The following MROH2A variants were observed in gnomAD, a reference collection of about 807,000 sequenced individuals.
The protein encoded by MROH2A is maestro heat-like repeat-containing protein family member 2A.
Under a neutral mutation model 200.4 loss-of-function variants are expected in MROH2A, and 174 were observed. The ratio of observed to expected loss-of-function variants is 0.87; its 90% confidence interval spans 0.77 to 0.98. The LOEUF (loss-of-function observed/expected upper bound fraction) is 0.98. MROH2A is among the 50% of genes least tolerant of loss of function. The pLI, the probability that MROH2A is intolerant of heterozygous loss-of-function variation, is 0.00. For synonymous variants in MROH2A, 829 were observed against 840.4 expected (o/e 0.99, Z 0.23); for missense variants, 2,045 against 2,139.6 (o/e 0.96, Z 0.87).
intron 29 of MROH2A, among the ~76,000 whole-genome samples, chr2:233,819,085 T>C (rs1703754720): frequency 6.6e-6 from 1 of 152,252 alleles, no homozygotes; most frequent in African/African-American, 2.4e-5. Context: ...TGTGGGCACG[T>C]GGGCAGGCTC....
At chr2:233,826,593 A>C (rs1222991017) in intron 35 of MROH2A, among the ~76,000 whole-genome samples, 2 of 152,244 alleles carry the variant, frequency 1.3e-5, no homozygotes, top group African/African-American at 2.4e-5. Flanking sequence ...AAAGACTTAA[A>C]TGTAAAACCC....
chr2:233,822,854 G>A lies in MROH2A; in HGVS notation c.3867-27G>A, dbSNP rs770486046. 2.4e-5 allele frequency: 37 copies of A among 1,549,058 alleles called. No homozygotes were observed. In the Middle Eastern group the frequency reaches 6.7e-4, roughly 28 times the overall value. ...GGCCATGCGCTCCCAGCAGGGCAGC[G>A]CATCACAAGCTCCCACCTCCCTTCA... On this transcript the variant is annotated intron_variant, in intron 33 of 41. Coordinates refer to ENST00000389758, the MANE Select transcript of MROH2A (RefSeq NM_001394639.1).
At chr2:233,790,779 C>T (rs1017263748) in intron 5 of MROH2A, among the ~76,000 whole-genome samples, 20 of 151,704 alleles carry the variant, frequency 1.3e-4, no homozygotes, top group Non-Finnish European at 7.4e-5. Flanking sequence ...GTGGCAGGTA[C>T]CTGGCCACTA....
intron 31 of MROH2A, among the ~76,000 whole-genome samples, chr2:233,821,920 C>A (rs1045304741): frequency 1.3e-5 from 2 of 152,078 alleles, no homozygotes; most frequent in Non-Finnish European, 2.9e-5. Context: ...GTACCGTGAG[C>A]CCGTGCAGAG....
chr2:233,792,803 G>A lies in MROH2A; in HGVS notation c.579G>A (p.Glu193=), dbSNP rs1486542669. ...TCCCTCACAACCTCACAGTGTTTGA[G>A]TTCATGCCATACATGGGCATCACCC... ...LAKLANGNVF[E]FMPYMGITLA... is the part of the protein sequence containing the mutation. Residue 193 remains glutamate (E), a synonymous_variant, in exon 6 of 42, where the codon GAG becomes GAA. Transcript: ENST00000389758. 1 of 1,542,188 alleles carries A rather than the reference G, an allele frequency of 6.5e-7. No homozygotes were observed. Among genetic ancestry groups the A allele is most frequent in the African/African-American group, 1.4e-5 (1 of 72,736 alleles).
intron 18 of MROH2A, among the ~76,000 whole-genome samples, chr2:233,804,799 C>T (rs146120117): frequency 3.2e-4 from 48 of 152,250 alleles, no homozygotes; most frequent in African/African-American, 1.1e-3. Context: ...TTCTGCTAGC[C>T]GCCAGAGCCA....
chr2:233,829,823 C>A, intron 38 of MROH2A, 48 bp downstream of exon 38: 1 of 1,288,092 alleles, frequency 7.8e-7, no homozygotes, highest in East Asian at 3.1e-5. Context: ...CCCGCTGTTC[C>A]CCGAGGAAAC....
rs762751425 is a variant in MROH2A at position 233,806,025 on chromosome 2, A to C, written c.2052+914A>C. ...TAGGCAAAGCCTTCTTAGAGATGAC[A>C]CCAAAAAGCACAAGTGACAAAAAGA... is the stretch of plus-strand genomic sequence containing the variant. On this transcript the variant is annotated intron_variant, in intron 19 of 41. Coordinates refer to ENST00000389758, the MANE Select transcript of MROH2A (RefSeq NM_001394639.1). Among the ~76,000 whole-genome samples the C allele has an allele frequency of 9.5e-4, 144 of 152,302 alleles. 1 individual carries two copies. Among genetic ancestry groups the C allele is most frequent in the Middle Eastern group, 6.8e-3 (2 of 294 alleles).
intron 40 of MROH2A, 104 bp from the exon 41 acceptor site, chr2:233,832,475 A>G: frequency 9.3e-7 from 1 of 1,076,450 alleles, no homozygotes; most frequent in Non-Finnish European, 1.4e-6. Context: ...GCTCAACAAA[A>G]TCTTTCATCA....
intron 3 of MROH2A, among the ~76,000 whole-genome samples, chr2:233,785,005 G>A (rs558004968): frequency 6.6e-6 from 1 of 152,072 alleles, no homozygotes; most frequent in African/African-American, 2.4e-5. Flanking sequence ...AATTAGCCAG[G>A]CGTGGTGGTG....
intron 5 of MROH2A, among the ~76,000 whole-genome samples, chr2:233,792,015 CT>C (rs1267100088): frequency 6.6e-6 from 1 of 152,140 alleles, no homozygotes; most frequent in Non-Finnish European, 1.5e-5. Flanking sequence ...TCCGTCTGCT[CT>C]TTTTCTCTGC....
At chr2:233,784,711 G>A (rs894467144) in intron 3 of MROH2A, among the ~76,000 whole-genome samples, 1 of 152,166 alleles carries the variant, frequency 6.6e-6, no homozygotes, top group Non-Finnish European at 1.5e-5. Flanking sequence ...TCCACCATGG[G>A]TAGGCCTTAC....
rs142718330 is a variant in MROH2A, at chr2:233,815,522, A to G, written c.2856+845A>G. ...TCTTCCAGAAGTTTTGTATTTTCAG[A>G]TTTTATGATTAGGTCTATGATATAT... On this transcript the variant is annotated intron_variant, in intron 26 of 41. Coordinates refer to ENST00000389758, the MANE Select transcript of MROH2A (RefSeq NM_001394639.1). 4.8e-3 allele frequency among the ~76,000 whole-genome samples: 733 copies of G among 152,272 alleles called. 2 individuals carry two copies. Among genetic ancestry groups the G allele is most frequent in the African/African-American group, 0.017 (715 of 41,560 alleles).
In MROH2A at chr2:233,805,084, G is replaced by A. The variant is rs766826089; in HGVS notation, c.2025G>A (p.Ala675=). The A allele has an allele frequency of 5.8e-6, 9 of 1,549,902 alleles. No homozygotes were observed. Among genetic ancestry groups the A allele is most frequent in the Admixed American group, 3.9e-5 (2 of 50,990 alleles). ...GTAAAGAGCTGAACAACCAGATTGCGAGCTTTGACAGCCCCTCTCTGGAGA... is the reference window on the plus strand; with the variant it reads ...GTAAAGAGCTGAACAACCAGATTGCAAGCTTTGACAGCCCCTCTCTGGAGA... ...RLSKELNNQI[A]SFDSPSLEKG... Residue 675 remains alanine, a synonymous_variant, in exon 19 of 42, where the codon GCG becomes GCA. Transcript: ENST00000389758.
rs553851970 is a variant in MROH2A, at chr2:233,818,825, GTC to G, written c.3204+60_3204+61del. ...CAGGCTGGTCTCAGGGCCCTTGGCC[GTC>G]TCTCAGGGAGGGAGGCCTTCCTGGG... On this transcript the variant is annotated intron_variant, in intron 29 of 41. Coordinates refer to ENST00000389758, the MANE Select transcript of MROH2A (RefSeq NM_001394639.1). 961 of 1,197,088 alleles carry G rather than the reference GTC, an allele frequency of 8.0e-4. 1 individual carries two copies. The African/African-American group carries it at 0.013, about 16-fold the overall frequency. 74.2% of individuals were successfully genotyped at this position (1,197,088 alleles called of 1,614,324 possible).
At position 233,831,550 on chromosome 2, in the gene MROH2A, C is replaced by T. The variant is rs1213797353; in HGVS notation, c.4734+10C>T. On this transcript the variant is annotated intron_variant, in intron 39 of 41. Coordinates refer to ENST00000389758, the MANE Select transcript of MROH2A (RefSeq NM_001394639.1). Reference sequence around the variant, plus strand: ...CATGTGCTCCATCCTGGTGAGGAAGCCAAAGGGGGAACCAGCCCGTCCCAG... The same window carrying T: ...CATGTGCTCCATCCTGGTGAGGAAGTCAAAGGGGGAACCAGCCCGTCCCAG... 1.3e-6 allele frequency: 2 copies of T among 1,548,086 alleles called. No homozygotes were observed. The highest frequency in any genetic ancestry group is 1.7e-4 in the Middle Eastern group (1 of 5,980).
chr2:233,804,418 A>C, intron 17 of MROH2A, 77 bp from the exon 18 acceptor site: 1 of 1,485,544 alleles, frequency 6.7e-7, no homozygotes, highest in Non-Finnish European at 9.2e-7. Flanking sequence ...CTAAGGAGGC[A>C]TAGAGGGCCT....
Position 233,828,332 on chromosome 2 carries a change from G to A in MROH2A, c.4114-298G>A, listed in dbSNP as rs566091689. On this transcript the variant is annotated intron_variant, in intron 35 of 41. Coordinates refer to ENST00000389758, the MANE Select transcript of MROH2A (RefSeq NM_001394639.1). This position sits in a 1 kb window ranked among gnomAD's most constrained non-coding sequence, Gnocchi z 4.6. Reference sequence around the variant, plus strand: ...CCTTTCTGTTCAGATGCAGGTGGGCGTGGCTCTTGCATTTGGCAGTGGCTG... The same window carrying A: ...CCTTTCTGTTCAGATGCAGGTGGGCATGGCTCTTGCATTTGGCAGTGGCTG... Among the ~76,000 whole-genome samples the A allele has an allele frequency of 3.9e-5, 6 of 152,304 alleles. No homozygotes were observed. Among genetic ancestry groups the A allele is most frequent in the African/African-American group, 9.6e-5 (4 of 41,576 alleles).
Position 233,796,308 on chromosome 2 carries a change from C to A in MROH2A, c.1247C>A (p.Ala416Glu). 1 of 848,026 alleles carries A rather than the reference C, an allele frequency of 1.2e-6. No homozygotes were observed. Among genetic ancestry groups the A allele is most frequent in the Non-Finnish European group, 1.6e-6 (1 of 621,166 alleles). 52.5% of individuals were successfully genotyped at this position (848,026 alleles called of 1,614,324 possible). The change falls in exon 11 of 42, where the codon GCA becomes GAA. Residue 416 changes from alanine to glutamate, a missense_variant. Coordinates refer to ENST00000389758, the MANE Select transcript of MROH2A (RefSeq NM_001394639.1). ...TLNLIRAIVS[A>E]DEPRMSIRAI... ...AATCTGATTAGGGCTATAGTGAGCG[C>A]AGATGGTGAGCAAGGCAGGGTGGGT...
Sources: gnomAD v4.1 joint callset for allele counts (sites outside exome capture counted in the v4.1 genomes callset) on GRCh38, gnomAD v4.1.1 for gene constraint, Gnocchi (gnomAD v3.1) non-coding constraint, MANE v1.5 for transcripts, NCBI Gene and HGNC (gene_info 2026-07-23, HGNC 2026-07-21) for gene names.